The following PCDHA13 variants were observed in gnomAD, a reference collection of about 807,000 sequenced individuals.
PCDHA13 encodes protocadherin alpha-13.
In PCDHA13, 54 loss-of-function variants were observed where a neutral mutation model predicts 64.8. That is an observed-to-expected ratio of 0.83 (90% confidence interval 0.67 to 1.04). The LOEUF is 1.04. Among genes scored for constraint, PCDHA13 ranks in the 50% least tolerant of loss-of-function variants. The probability of loss-of-function intolerance (pLI) is 0.00; values close to 1 mark genes in which losing one functional copy is unlikely to be tolerated. For synonymous variants in PCDHA13, 587 were observed against 564.4 expected (o/e 1.04, Z -0.57); for missense variants, 1,248 against 1,254.3 (o/e 0.99, Z 0.08).
At chr5:140,965,400 G>A (rs782574003) in intron 1 of PCDHA13, among the ~76,000 whole-genome samples, 1 of 152,154 alleles carries the variant, frequency 6.6e-6, no homozygotes, top group Non-Finnish European at 1.5e-5. Context: ...GAAGTCTAAG[G>A]AGTCTTATAT....
At position 141,009,666 on chromosome 5, in the gene PCDHA13, G is replaced by T; in HGVS notation, c.2582G>T (p.Gly861Val). Residue 861 changes from glycine to valine, a missense_variant, in exon 4 of 4, where the codon GGT becomes GTT. Physicochemically the swap from Gly to Val is moderately radical, Grantham distance 109. Coordinates refer to ENST00000289272, the MANE Select transcript of PCDHA13 (RefSeq NM_018904.3). ...GAAGTGTCCCCTCCAGTCGGTGCGG[G>T]TGTCAACAGCAACAGCTGGACCTTT... ...AGEVSPPVGAGVNSNSWTFKY... is the reference protein window; with the variant it reads ...AGEVSPPVGAVVNSNSWTFKY... The T allele has an allele frequency of 1.2e-6, 2 of 1,614,080 alleles. No individual in the cohort carries two copies. The highest frequency in any genetic ancestry group is 1.7e-6 in the Non-Finnish European group (2 of 1,180,022).
chr5:140,950,896 A>G (rs1023778505), intron 1 of PCDHA13, among the ~76,000 whole-genome samples: 1 of 151,834 alleles, frequency 6.6e-6, no homozygotes, highest in Non-Finnish European at 1.5e-5. Context: ...TCTGAGATTT[A>G]TTTTATTTTT....
intron 1 of PCDHA13, among the ~76,000 whole-genome samples, chr5:140,885,868 A>G (rs1347875524): frequency 6.6e-6 from 1 of 152,202 alleles, no homozygotes; most frequent in Admixed American, 6.5e-5. Context: ...TCTATTGAAA[A>G]AAAATTTTTA....
At chr5:141,007,749 T>C (rs2098343750) in intron 3 of PCDHA13, among the ~76,000 whole-genome samples, 2 of 152,334 alleles carry the variant, frequency 1.3e-5, no homozygotes, top group South Asian at 4.1e-4. Flanking sequence ...AAGATAACTT[T>C]GGACTCTTAT....
chr5:140,971,718 G>A (rs1554233569), intron 1 of PCDHA13, among the ~76,000 whole-genome samples: 3 of 151,796 alleles, frequency 2.0e-5, no homozygotes, highest in Non-Finnish European at 2.9e-5. Flanking sequence ...ATAGATATAT[G>A]TATATCATAC....
intron 1 of PCDHA13, among the ~76,000 whole-genome samples, chr5:140,921,914 TA>T (rs2080487852): frequency 6.6e-6 from 1 of 152,014 alleles, no homozygotes; most frequent in Admixed American, 6.6e-5. Context: ...TATTACATGA[TA>T]AAACTTATAG....
intron 3 of PCDHA13, among the ~76,000 whole-genome samples, chr5:141,005,035 GT>G (rs1272983494): frequency 6.6e-6 from 1 of 152,194 alleles, no homozygotes; most frequent in African/African-American, 2.4e-5. Context: ...TTGCCCATAT[GT>G]GATACCATTT....
At chr5:140,931,508 A>G (rs1214894603) in intron 1 of PCDHA13, among the ~76,000 whole-genome samples, 8 of 152,078 alleles carry the variant, frequency 5.3e-5, no homozygotes, top group Non-Finnish European at 1.0e-4. Flanking sequence ...TTAAACATAT[A>G]TGAATGATTA....
chr5:140,928,308 C>A, intron 1 of PCDHA13: 1 of 1,614,126 alleles, frequency 6.2e-7, no homozygotes, highest in Non-Finnish European at 8.5e-7. Flanking sequence ...CCCAGGACCC[C>A]GACCTGGGGA....
At chr5:140,958,692 T>C (rs2095438296) in intron 1 of PCDHA13, among the ~76,000 whole-genome samples, 2 of 152,190 alleles carry the variant, frequency 1.3e-5, no homozygotes, top group African/African-American at 4.8e-5. Flanking sequence ...TTGAATATCC[T>C]AGAGTGACAA....
At chr5:140,911,365 TG>T (rs1554194694) in intron 1 of PCDHA13, among the ~76,000 whole-genome samples, 1 of 152,218 alleles carries the variant, frequency 6.6e-6, no homozygotes, top group East Asian at 1.9e-4. Flanking sequence ...AGTAGACACC[TG>T]GCAAGGCTGT....
chr5:140,949,591 T>A (rs1279124605), intron 1 of PCDHA13, among the ~76,000 whole-genome samples: 2 of 151,928 alleles, frequency 1.3e-5, no homozygotes, highest in Non-Finnish European at 2.9e-5. Flanking sequence ...GTGATATTAA[T>A]GTGGCCATTC....
chr5:140,926,813 T>C, intron 1 of PCDHA13: 1 of 1,463,920 alleles, frequency 6.8e-7, no homozygotes, highest in East Asian at 2.5e-5. Flanking sequence ...CCGCGGCTCG[T>C]GCTCTCCAGG....
chr5:140,895,867 A>C (rs1212053221), intron 1 of PCDHA13, among the ~76,000 whole-genome samples: 1 of 152,154 alleles, frequency 6.6e-6, no homozygotes, highest in Non-Finnish European at 1.5e-5. Context: ...GCTGGAGTGC[A>C]ATGGCGCGAT....
At chr5:140,962,224 A>C (rs2095665980) in intron 1 of PCDHA13, among the ~76,000 whole-genome samples, 1 of 152,152 alleles carries the variant, frequency 6.6e-6, no homozygotes. Flanking sequence ...TTGAGGTTCA[A>C]GTTTCACTTA....
chr5:140,917,329 G>T lies in PCDHA13; in HGVS notation c.2394+32667G>T, dbSNP rs543216216. Among the ~76,000 whole-genome samples the T allele has an allele frequency of 4.9e-5, 7 of 143,930 alleles. 1 individual carries two copies. The highest frequency in any genetic ancestry group is 1.6e-4 in the African/African-American group (6 of 37,952). The allele number at this position is 143,930 out of a possible 152,430, so 94.4% of individuals were successfully genotyped here. A position where few individuals can be genotyped will look rare whatever the true frequency, so the allele number is the denominator to read the frequency against. ...ACAATTTGGTGTTCATGTGGCGGGG[G>T]AGGGGGGGGATGGTGTAGGCTTCTG... On this transcript the variant is annotated intron_variant, in intron 1 of 3. Coordinates refer to ENST00000289272, the MANE Select transcript of PCDHA13 (RefSeq NM_018904.3).
chr5:140,998,423 T>C (rs1248330149), intron 3 of PCDHA13, among the ~76,000 whole-genome samples: 1 of 152,248 alleles, frequency 6.6e-6, no homozygotes, highest in African/African-American at 2.4e-5. Context: ...ACCTGGTTTA[T>C]CCTTTAACAC....
intron 1 of PCDHA13, chr5:140,929,227 G>A (rs141300036): frequency 6.2e-6 from 10 of 1,613,774 alleles, no homozygotes; most frequent in Admixed American, 5.0e-5. Context: ...CAATGCTGCC[G>A]ACCTGCGAAA....
chr5:140,913,448 G>A (rs185287281), intron 1 of PCDHA13, among the ~76,000 whole-genome samples: 8 of 152,012 alleles, frequency 5.3e-5, no homozygotes, highest in African/African-American at 1.2e-4. Flanking sequence ...TTTCAGCTCC[G>A]ATTTTATTTA....
Sources: allele counts gnomAD v4.1 joint callset (sites outside exome capture counted in the v4.1 genomes callset), GRCh38; gene constraint gnomAD v4.1.1; transcripts MANE v1.5; gene names NCBI Gene and HGNC (gene_info 2026-07-23, HGNC 2026-07-21).